Variants in SHISA6 observed in about 807,000 individuals in gnomAD.
SHISA6 encodes shisa family member 6, also known as protein shisa-6.
Under a neutral mutation model 47.9 loss-of-function variants are expected in SHISA6, and 22 were observed. That is an observed-to-expected ratio of 0.46 (90% confidence interval 0.33 to 0.66). SHISA6 has a LOEUF of 0.66. Among genes scored for constraint, SHISA6 ranks in the 30% least tolerant of loss-of-function variants. SHISA6 has a pLI of 0.02. For missense variants in SHISA6, 680 were observed against 764.6 expected, an observed-to-expected ratio of 0.89 and a Z score of 1.30; for synonymous variants, 388 against 337.8, an observed-to-expected ratio of 1.15 and a Z score of -1.63.
chr17:11,277,272 T>TCACACACA (rs1567558301), intron 2 of SHISA6, among the ~76,000 whole-genome samples: 1 of 68,664 alleles, frequency 1.5e-5, no homozygotes, highest in African/African-American at 4.9e-5. Flanking sequence ...TCTCTCTCTC[T>TCACACACA]CTCTCTCTCA....
At position 11,423,321 on chromosome 17, in the gene SHISA6, A is replaced by T. The variant is rs1914508672; in HGVS notation, c.895+43812A>T. On this transcript the variant is annotated intron_variant, in intron 3 of 5. Coordinates refer to ENST00000441885, the MANE Select transcript of SHISA6 (RefSeq NM_207386.4). ...ACATATATCTATATATGCCTGTAAC[A>T]TATATATAGATAGATAGATAGATAG... Among the ~76,000 whole-genome samples the T allele has an allele frequency of 7.4e-5, 6 of 80,664 alleles. No homozygotes were observed. The South Asian group carries it at 2.8e-3, about 37-fold the overall frequency. 52.9% of individuals were successfully genotyped at this position (80,664 alleles called of 152,430 possible). A position where few individuals can be genotyped will look rare whatever the true frequency, so the allele number is the denominator to read the frequency against.
At chr17:11,316,220 T>G (rs1330033961) in intron 2 of SHISA6, among the ~76,000 whole-genome samples, 1 of 152,104 alleles carries the variant, frequency 6.6e-6, no homozygotes, top group African/African-American at 2.4e-5. Context: ...CTTTGCCATT[T>G]CTGATGTTGT....
At position 11,504,375 on chromosome 17, in the gene SHISA6, CT is replaced by C. The variant is rs200308824; in HGVS notation, c.896-47518del. 1.1e-3 allele frequency among the ~76,000 whole-genome samples: 167 copies of C among 152,302 alleles called. 1 individual carries two copies. The East Asian group carries it at 0.029, about 26-fold the overall frequency. ...GCAAAATTTCACCTTGAGAAATGCTCTTTCATCATGAGGAGGAGGTGAAGCA... is the reference window on the plus strand; with the variant it reads ...GCAAAATTTCACCTTGAGAAATGCTCTTCATCATGAGGAGGAGGTGAAGCA... On this transcript the variant is annotated intron_variant, in intron 3 of 5. Coordinates refer to ENST00000441885, the MANE Select transcript of SHISA6 (RefSeq NM_207386.4).
intron 2 of SHISA6, among the ~76,000 whole-genome samples, chr17:11,373,327 C>G (rs2142239582): frequency 6.6e-6 from 1 of 152,072 alleles, no homozygotes; most frequent in East Asian, 1.9e-4. Context: ...AGCCACTTAA[C>G]CAAAAGCCGC....
intron 3 of SHISA6, among the ~76,000 whole-genome samples, chr17:11,517,566 A>T (rs542888089): frequency 1.3e-5 from 2 of 152,154 alleles, no homozygotes; most frequent in Non-Finnish European, 1.5e-5. Context: ...GCAGTGGTAC[A>T]GTCACAGCTC....
intron 3 of SHISA6, among the ~76,000 whole-genome samples, chr17:11,454,993 T>C (rs1370078300): frequency 3.3e-5 from 5 of 150,752 alleles, no homozygotes; most frequent in South Asian, 4.2e-4. Flanking sequence ...CAGGGTGAAA[T>C]CCTGTCTCTA....
chr17:11,293,482 C>G (rs917882526), intron 2 of SHISA6, among the ~76,000 whole-genome samples: 5 of 152,150 alleles, frequency 3.3e-5, no homozygotes, highest in Admixed American at 3.3e-4. Context: ...ATTAAAGTAA[C>G]CTAGTATTTC....
intron 3 of SHISA6, among the ~76,000 whole-genome samples, chr17:11,441,986 T>G (rs917984784): frequency 1.3e-5 from 2 of 152,196 alleles, no homozygotes; most frequent in African/African-American, 4.8e-5. Flanking sequence ...GAGGTAGCCA[T>G]GGGCAAAGCC....
chr17:11,335,923 G>A (rs7208081), intron 2 of SHISA6, among the ~76,000 whole-genome samples: 26,718 of 152,028 alleles, frequency 0.18, 2,538 homozygotes, highest in Middle Eastern at 0.28. Flanking sequence ...TGGGCCAGGC[G>A]TGGTGGCTCA....
At chr17:11,440,913 T>G (rs1915077808) in intron 3 of SHISA6, among the ~76,000 whole-genome samples, 1 of 151,586 alleles carries the variant, frequency 6.6e-6, no homozygotes, top group Non-Finnish European at 1.5e-5. Flanking sequence ...AAAGATAGCC[T>G]GGGACCAAGA....
chr17:11,315,106 T>G (rs1910462894), intron 2 of SHISA6, among the ~76,000 whole-genome samples: 1 of 152,202 alleles, frequency 6.6e-6, no homozygotes, highest in African/African-American at 2.4e-5. Flanking sequence ...AATATGTCTT[T>G]TCAGTTGTTC....
At chr17:11,472,149 G>C (rs541180141) in intron 3 of SHISA6, among the ~76,000 whole-genome samples, 1 of 152,074 alleles carries the variant, frequency 6.6e-6, no homozygotes, top group South Asian at 2.1e-4. Flanking sequence ...ATGGTTTTTT[G>C]TTTTCTGGAA....
rs546531384 is a variant in SHISA6 at position 11,405,351 on chromosome 17, A to G, written c.895+25842A>G. ...TCCCGGAGTAAATTTGAGGTAGCCA[A>G]GGTGTAGAGCTATGGTTCTCCATCC... On this transcript the variant is annotated intron_variant, in intron 3 of 5. Coordinates refer to ENST00000441885, the MANE Select transcript of SHISA6 (RefSeq NM_207386.4). 3.3e-5 allele frequency among the ~76,000 whole-genome samples: 5 copies of G among 152,248 alleles called. No homozygotes were observed. In the South Asian group the frequency reaches 1.0e-3, roughly 32 times the overall value.
intron 2 of SHISA6, among the ~76,000 whole-genome samples, chr17:11,306,537 T>C (rs1158204197): frequency 6.6e-6 from 1 of 152,210 alleles, no homozygotes; most frequent in Non-Finnish European, 1.5e-5. Flanking sequence ...TATTCATCCT[T>C]GGGGTCTTCG....
intron 3 of SHISA6, among the ~76,000 whole-genome samples, chr17:11,501,836 C>G (rs2071456389): frequency 1.3e-5 from 2 of 152,122 alleles, no homozygotes; most frequent in Non-Finnish European, 2.9e-5. Flanking sequence ...GACAAGAGAG[C>G]TCTTGTTCTC....
chr17:11,440,050 A>T (rs1278667473), intron 3 of SHISA6, among the ~76,000 whole-genome samples: 1 of 152,222 alleles, frequency 6.6e-6, no homozygotes, highest in African/African-American at 2.4e-5. Flanking sequence ...TGGGTCTGCT[A>T]ACACAGTTAA....
intron 3 of SHISA6, among the ~76,000 whole-genome samples, chr17:11,465,320 TC>T (rs1179231182): frequency 6.6e-6 from 1 of 152,210 alleles, no homozygotes; most frequent in African/African-American, 2.4e-5. Flanking sequence ...CTCATGCCTC[TC>T]GTATGCAGCC....
intron 3 of SHISA6, among the ~76,000 whole-genome samples, chr17:11,484,038 C>T (rs1050040166): frequency 5.9e-5 from 9 of 152,052 alleles, no homozygotes; most frequent in African/African-American, 2.2e-4. Flanking sequence ...CATTAACATG[C>T]AGAGAAGTAA....
chr17:11,513,758 GA>G (rs1320826982), intron 3 of SHISA6, among the ~76,000 whole-genome samples: 2 of 152,158 alleles, frequency 1.3e-5, no homozygotes, highest in African/African-American at 4.8e-5. Context: ...TCCATGTCCA[GA>G]AACTCAATCT....
Sources: allele counts gnomAD v4.1 joint callset (sites outside exome capture counted in the v4.1 genomes callset), GRCh38; gene constraint gnomAD v4.1.1; transcripts MANE v1.5; gene names NCBI Gene and HGNC (gene_info 2026-07-23, HGNC 2026-07-21).